Variants in CEP85L observed in about 807,000 individuals in gnomAD.
The protein encoded by CEP85L is centrosomal protein of 85 kDa-like.
A neutral mutation model predicts 100.3 loss-of-function variants in CEP85L; 60 were observed. The ratio of observed to expected loss-of-function variants is 0.60; its 90% CI spans 0.49 to 0.74. The LOEUF (loss-of-function observed/expected upper bound fraction) is 0.74, where lower values mean the gene tolerates loss of function less well. Among genes scored for constraint, CEP85L ranks in the 30% least tolerant of loss-of-function variants. The probability of loss-of-function intolerance (pLI) is 0.00; values close to 1 mark genes in which losing one functional copy is unlikely to be tolerated. For missense variants in CEP85L, 973 were observed against 936.2 expected (o/e 1.04, Z -0.51); for synonymous variants, 319 against 322.7 (o/e 0.99, Z 0.12).
intron 4 of CEP85L, among the ~76,000 whole-genome samples, chr6:118,523,367 T>A (rs901508010): frequency 2.6e-5 from 4 of 152,206 alleles, no homozygotes; most frequent in Non-Finnish European, 5.9e-5. Context: ...AGTCATTTCA[T>A]TTTACACATT....
chr6:118,668,936 T>C (rs1776212877), intron 1 of CEP85L, among the ~76,000 whole-genome samples: 1 of 152,328 alleles, frequency 6.6e-6, no homozygotes, highest in African/African-American at 2.4e-5. Flanking sequence ...TCCTCCAAGA[T>C]AATATCATCT....
chr6:118,506,593 C>T (rs543565572), intron 5 of CEP85L, among the ~76,000 whole-genome samples: 1 of 152,302 alleles, frequency 6.6e-6, no homozygotes, highest in East Asian at 1.9e-4. Context: ...TCTAACTCCC[C>T]TTGCCTGGGG....
At chr6:118,656,676 G>A (rs764443071), upstream of CEP85L, 54 of 152,264 alleles carry the variant, frequency 3.5e-4, 1 homozygote, top group South Asian at 2.1e-3. Flanking sequence ...GGGCATATAT[G>A]TGATAATTTA....
chr6:118,505,409 CAAAAAAAAAAAA>C (rs56893664), intron 5 of CEP85L, among the ~76,000 whole-genome samples: 1,620 of 71,888 alleles, frequency 0.023, 52 homozygotes, highest in African/African-American at 0.067. Context: ...TCACTGTACT[CAAAAAAAAAAAA>C]AAAAAAAAAA....
In CEP85L at chr6:118,463,218, T is replaced by C. The variant is rs1448489455; in HGVS notation, c.*2187A>G. On this transcript the variant is annotated 3_prime_UTR_variant, in exon 13 of 13. Coordinates refer to ENST00000368491, the MANE Select transcript of CEP85L (RefSeq NM_001042475.3). ...AAGCCAAAAAACAAAAACGTATCTA[T>C]AGTAGATTAAAACAAACTGTAACGT... The C allele has an allele frequency of 1.3e-5, 2 of 151,818 alleles. No individual in the cohort carries two copies. Among genetic ancestry groups the C allele is most frequent in the Non-Finnish European group, 2.9e-5 (2 of 67,870 alleles). 9.4% of individuals were successfully genotyped at this position (151,818 alleles called of 1,614,324 possible).
At chr6:118,609,059 T>C (rs1772434701) in intron 2 of CEP85L, among the ~76,000 whole-genome samples, 1 of 152,166 alleles carries the variant, frequency 6.6e-6, no homozygotes, top group East Asian at 1.9e-4. Context: ...CATTTCAAAA[T>C]AAAAATTATT....
intron 5 of CEP85L, among the ~76,000 whole-genome samples, chr6:118,497,492 T>C (rs1330210655): frequency 1.3e-5 from 2 of 152,178 alleles, no homozygotes; most frequent in Non-Finnish European, 2.9e-5. Context: ...CATTATATAT[T>C]AAAATGTAAT....
intron 5 of CEP85L, among the ~76,000 whole-genome samples, chr6:118,496,356 T>TTTTTATTTTATTTGA (rs1774920564): frequency 7.2e-6 from 1 of 139,460 alleles, no homozygotes; most frequent in African/African-American, 2.7e-5. Flanking sequence ...TATTTTATAT[T>TTTTTATTTTATTTGA]TTTTATTTTA....
chr6:118,492,097 A>G (rs1774617360), intron 5 of CEP85L, among the ~76,000 whole-genome samples: 1 of 152,126 alleles, frequency 6.6e-6, no homozygotes, highest in South Asian at 2.1e-4. Context: ...AATAAAGCCT[A>G]CTTTGCAGTG....
In CEP85L at chr6:118,464,807, A is replaced by G. The variant is rs907468131; in HGVS notation, c.*598T>C. ...TACTAAAATCAGCTCAACCACAAAC[A>G]TCCTATCAGTGCAGTAAGTGTTCAA... is the stretch of plus-strand genomic sequence containing the variant. On this transcript the variant is annotated 3_prime_UTR_variant, in exon 13 of 13. Coordinates refer to ENST00000368491, the MANE Select transcript of CEP85L (RefSeq NM_001042475.3). 6.8e-6 allele frequency: 1 copy of G among 146,814 alleles called. No individual in the cohort carries two copies. The highest frequency in any genetic ancestry group is 2.5e-5 in the African/African-American group (1 of 39,690). 9.1% of individuals were successfully genotyped at this position (146,814 alleles called of 1,614,324 possible). A position where few individuals can be genotyped will look rare whatever the true frequency, so the allele number is the denominator to read the frequency against.
At chr6:118,583,830 C>T (rs1224861097) in intron 2 of CEP85L, among the ~76,000 whole-genome samples, 3 of 152,186 alleles carry the variant, frequency 2.0e-5, no homozygotes, top group Non-Finnish European at 2.9e-5. Context: ...TCAGGACCTT[C>T]GCCTCATTAA....
chr6:118,692,046 G>A (rs990041405), intron 1 of CEP85L, among the ~76,000 whole-genome samples: 2 of 152,038 alleles, frequency 1.3e-5, no homozygotes, highest in African/African-American at 4.8e-5. Flanking sequence ...AGAGGAGGGA[G>A]GCCCTCAGGT....
chr6:118,594,226 T>A (rs764833874), intron 2 of CEP85L, among the ~76,000 whole-genome samples: 26 of 152,172 alleles, frequency 1.7e-4, no homozygotes, highest in Non-Finnish European at 3.8e-4. Flanking sequence ...CAAGTCCTTA[T>A]CTTTATAAGG....
At position 118,462,048 on chromosome 6, in the gene CEP85L, G is replaced by C. The variant is rs1230906376; in HGVS notation, c.*3357C>G. The C allele has an allele frequency of 6.6e-6, 1 of 151,844 alleles. No homozygotes were observed. The highest frequency in any genetic ancestry group is 6.6e-5 in the Admixed American group (1 of 15,232). 9.4% of individuals were successfully genotyped at this position (151,844 alleles called of 1,614,324 possible). On this transcript the variant is annotated 3_prime_UTR_variant, in exon 13 of 13. Transcript: ENST00000368491. Reference sequence around the variant, plus strand: ...ATCCTCTAAGAAATTAATAATTCTTGCACTATGAAAGAATTACTTTATAAG... The same window carrying C: ...ATCCTCTAAGAAATTAATAATTCTTCCACTATGAAAGAATTACTTTATAAG...
intron 3 of CEP85L, among the ~76,000 whole-genome samples, chr6:118,536,875 C>A (rs189771377): frequency 9.8e-5 from 15 of 152,288 alleles, no homozygotes; most frequent in Non-Finnish European, 1.6e-4. Context: ...CAAATAACTT[C>A]TCCCCTATAT....
chr6:118,694,298 TA>T (rs2114327897), intron 1 of CEP85L, among the ~76,000 whole-genome samples: 1 of 152,348 alleles, frequency 6.6e-6, no homozygotes, highest in East Asian at 1.9e-4. Context: ...CATCTTGATA[TA>T]AACTATGGAT....
chr6:118,483,095 A>G (rs926466194), intron 7 of CEP85L, among the ~76,000 whole-genome samples: 2 of 152,168 alleles, frequency 1.3e-5, no homozygotes, highest in African/African-American at 4.8e-5. Context: ...CCAAATGTCA[A>G]TAGTGCCGAG....
intron 1 of CEP85L, among the ~76,000 whole-genome samples, chr6:118,683,718 A>G (rs762181003): frequency 2.6e-5 from 4 of 152,248 alleles, no homozygotes; most frequent in Admixed American, 6.5e-5. Context: ...TGTAAAGCAT[A>G]TAGTTAATTA....
intron 1 of CEP85L, among the ~76,000 whole-genome samples, chr6:118,639,457 C>G (rs980448676): frequency 6.6e-6 from 1 of 152,200 alleles, no homozygotes; most frequent in Non-Finnish European, 1.5e-5. Context: ...TCTAGCCACA[C>G]TTACCTAATC....
Sources: gnomAD v4.1 joint callset for allele counts (sites outside exome capture counted in the v4.1 genomes callset) on GRCh38, gnomAD v4.1.1 for gene constraint, MANE v1.5 for transcripts, NCBI Gene and HGNC (gene_info 2026-07-23, HGNC 2026-07-21) for gene names.